Variants in ANKRD31 observed in about 807,000 individuals in gnomAD.
ANKRD31 encodes the protein ankyrin repeat domain 31.
A neutral mutation model predicts 186.0 loss-of-function variants in ANKRD31; 147 were observed. That is an observed-to-expected ratio of 0.79 (90% confidence interval 0.69 to 0.91). The LOEUF is 0.91. ANKRD31 is among the 40% of genes least tolerant of loss of function. The probability of loss-of-function intolerance (pLI) is 0.00; values close to 1 mark genes in which losing one functional copy is unlikely to be tolerated. For synonymous variants in ANKRD31, 673 were observed against 736.4 expected (o/e 0.91, Z 1.39); for missense variants, 1,986 against 2,148.8 (o/e 0.92, Z 1.50).
At chr5:75,158,319 AC>A (rs1175108825) in intron 11 of ANKRD31, among the ~76,000 whole-genome samples, 6 of 152,214 alleles carry the variant, frequency 3.9e-5, no homozygotes, top group Non-Finnish European at 8.8e-5. Context: ...TCTGTTGGAA[AC>A]CAGGATAAAG....
intron 22 of ANKRD31, among the ~76,000 whole-genome samples, chr5:75,099,035 T>C (rs1746577560): frequency 6.6e-6 from 1 of 152,158 alleles, no homozygotes; most frequent in East Asian, 1.9e-4. Flanking sequence ...GCTTCCAGTT[T>C]TTGCCCATTC....
chr5:75,139,039 G>C (rs902083404), intron 15 of ANKRD31, 56 bp from the exon 16 acceptor site: 2 of 1,514,552 alleles, frequency 1.3e-6, no homozygotes, highest in Non-Finnish European at 1.8e-6. Flanking sequence ...TTGTTATAAA[G>C]GATCTTAGAA....
intron 19 of ANKRD31, among the ~76,000 whole-genome samples, chr5:75,115,120 T>A (rs199903884): frequency 1.3e-5 from 2 of 150,714 alleles, no homozygotes; most frequent in African/African-American, 2.4e-5. Context: ...TACAACTATC[T>A]GATCTTTGAC....
chr5:75,235,393 C>T (rs965288216), intron 1 of ANKRD31, among the ~76,000 whole-genome samples: 1 of 152,054 alleles, frequency 6.6e-6, no homozygotes, highest in Admixed American at 6.6e-5. Context: ...ACTCGAGAAC[C>T]TTGAAAAGTA....
At chr5:75,116,064 G>C (rs1580355563) in intron 19 of ANKRD31, among the ~76,000 whole-genome samples, 1 of 151,352 alleles carries the variant, frequency 6.6e-6, no homozygotes, top group African/African-American at 2.4e-5. Flanking sequence ...ATACACCATG[G>C]AATACTATGC....
chr5:75,154,438 C>A, intron 11 of ANKRD31, 93 bp from the exon 12 acceptor site: 1 of 1,088,294 alleles, frequency 9.2e-7, no homozygotes, highest in South Asian at 3.3e-5. Context: ...CATCAAATAT[C>A]TCTTTTGAAA....
chr5:75,111,107 CTA>C (rs149118517), intron 20 of ANKRD31, among the ~76,000 whole-genome samples: 98 of 150,816 alleles, frequency 6.5e-4, no homozygotes, highest in African/African-American at 2.2e-3. Context: ...AGAATGAAGA[CTA>C]TGAAAAAAAT....
chr5:75,077,398 A>T (rs975456420), intron 25 of ANKRD31, among the ~76,000 whole-genome samples: 7 of 152,326 alleles, frequency 4.6e-5, no homozygotes, highest in Admixed American at 2.6e-4. Context: ...ATAGATTTAC[A>T]TTAATAAGAT....
intron 22 of ANKRD31, among the ~76,000 whole-genome samples, chr5:75,099,436 C>G (rs1307001463): frequency 6.6e-6 from 1 of 152,300 alleles, no homozygotes; most frequent in Middle Eastern, 3.4e-3. Flanking sequence ...CAGGATGATG[C>G]TGGCCTCATC....
chr5:75,150,858 T>C (rs1186374278), intron 12 of ANKRD31, among the ~76,000 whole-genome samples: 5 of 152,030 alleles, frequency 3.3e-5, no homozygotes, highest in Non-Finnish European at 4.4e-5. Context: ...CAATTTTCCA[T>C]ATAGTTTAAA....
At chr5:75,210,117 G>C (rs1310422314) in intron 4 of ANKRD31, among the ~76,000 whole-genome samples, 1 of 152,124 alleles carries the variant, frequency 6.6e-6, no homozygotes, top group Non-Finnish European at 1.5e-5. Flanking sequence ...TGTTTTAAAA[G>C]AACTGAAAGG....
At chr5:75,138,720 A>G in intron 16 of ANKRD31, 126 bp downstream of exon 16, 1 of 985,806 alleles carries the variant, frequency 1.0e-6, no homozygotes, top group Non-Finnish European at 1.4e-6. Flanking sequence ...ATATAATATA[A>G]AAAAGATTGT....
rs555785003 is a variant in ANKRD31, at chr5:75,232,848, A to C, written c.105-2213T>G. Among the ~76,000 whole-genome samples the C allele has an allele frequency of 1.1e-3, 168 of 152,254 alleles. 6 individuals carry two copies. In the South Asian group the frequency reaches 0.034, roughly 31 times the overall value. On this transcript the variant is annotated intron_variant, in intron 1 of 25. Transcript: ENST00000506364. ...TTTTCCTTCTTGAAAACAGGAGATAAAAACTCCTATGTAAAAGATGCCCTC... is the reference window on the plus strand; with the variant it reads ...TTTTCCTTCTTGAAAACAGGAGATACAAACTCCTATGTAAAAGATGCCCTC...
intron 10 of ANKRD31, among the ~76,000 whole-genome samples, chr5:75,174,524 A>G (rs1221512968): frequency 6.6e-6 from 1 of 152,222 alleles, no homozygotes; most frequent in Non-Finnish European, 1.5e-5. Context: ...CAAGGAACTT[A>G]GATAAATTTA....
intron 11 of ANKRD31, among the ~76,000 whole-genome samples, chr5:75,168,278 C>T (rs1321735604): frequency 6.6e-6 from 1 of 152,098 alleles, no homozygotes; most frequent in African/African-American, 2.4e-5. Flanking sequence ...AGTTAATACC[C>T]TTTCCCATCC....
chr5:75,206,196 T>C (rs1756165028), intron 5 of ANKRD31, among the ~76,000 whole-genome samples: 1 of 105,118 alleles, frequency 9.5e-6, no homozygotes, highest in African/African-American at 3.3e-5. Context: ...CTGAGCAACA[T>C]AGCAAGACCA....
chr5:75,215,485 T>C lies in ANKRD31; in HGVS notation c.289-4620A>G, dbSNP rs569764370. 4.6e-5 allele frequency among the ~76,000 whole-genome samples: 7 copies of C among 152,238 alleles called. No homozygotes were observed. In the East Asian group the frequency reaches 1.3e-3, roughly 29 times the overall value. ...AACTCTCCACACAAACCAAAATCTA[T>C]TCATGTAAAGTTTTAAAACTGCTTG... On this transcript the variant is annotated intron_variant, in intron 3 of 25. Transcript: ENST00000506364.
intron 10 of ANKRD31, among the ~76,000 whole-genome samples, chr5:75,171,515 A>C (rs1180716071): frequency 1.3e-5 from 2 of 151,964 alleles, no homozygotes; most frequent in Non-Finnish European, 1.5e-5. Context: ...ATTAGGCAAA[A>C]AGGTACAAAA....
intron 25 of ANKRD31, among the ~76,000 whole-genome samples, chr5:75,072,848 G>A (rs1270258118): frequency 1.3e-5 from 2 of 152,200 alleles, no homozygotes; most frequent in Non-Finnish European, 2.9e-5. Context: ...CATGAGGGCA[G>A]ATGAATAGAT....
Sources: gnomAD v4.1 joint callset for allele counts (sites outside exome capture counted in the v4.1 genomes callset) on GRCh38, gnomAD v4.1.1 for gene constraint, MANE v1.5 for transcripts, NCBI Gene and HGNC (gene_info 2026-07-23, HGNC 2026-07-21) for gene names.